XKR6: variants seen among roughly 807,000 people sequenced by gnomAD.
XKR6 encodes XK-related protein 6.
Under a neutral mutation model 56.7 loss-of-function variants are expected in XKR6, and 22 were observed. That is an observed-to-expected ratio of 0.39 (90% CI 0.28 to 0.55). The LOEUF is 0.55. Among genes scored for constraint, XKR6 ranks in the 20% least tolerant of loss-of-function variants. XKR6 has a pLI of 0.66. For synonymous variants in XKR6, 524 were observed against 387.8 expected, an observed-to-expected ratio of 1.35 and a Z score of -4.13; for missense variants, 852 against 889.0, an observed-to-expected ratio of 0.96 and a Z score of 0.53.
intron 1 of XKR6, among the ~76,000 whole-genome samples, chr8:10,963,617 C>G (rs757536476): frequency 1.9e-4 from 29 of 151,818 alleles, no homozygotes; most frequent in Admixed American, 1.9e-3. Flanking sequence ...TCATGGAGCA[C>G]TGCATCCTCG....
intron 1 of XKR6, among the ~76,000 whole-genome samples, chr8:11,014,438 G>A (rs911855299): frequency 2.0e-5 from 3 of 152,166 alleles, no homozygotes; most frequent in Non-Finnish European, 4.4e-5. Context: ...CCCCCTGCGG[G>A]CTCCCCAAGG....
chr8:11,151,685 C>G (rs528406670), intron 1 of XKR6, among the ~76,000 whole-genome samples: 12 of 151,674 alleles, frequency 7.9e-5, no homozygotes, highest in African/African-American at 2.7e-4. Flanking sequence ...ATTTGTCAGT[C>G]TTTGAACAAG....
chr8:11,149,750 T>C (rs1302116511), intron 1 of XKR6, among the ~76,000 whole-genome samples: 4 of 152,152 alleles, frequency 2.6e-5, no homozygotes, highest in Non-Finnish European at 5.9e-5. Context: ...TACTGGGCAT[T>C]TGTCCAAAGG....
intron 1 of XKR6, among the ~76,000 whole-genome samples, chr8:11,155,354 G>GTT (rs1215684912): frequency 1.3e-5 from 2 of 152,136 alleles, no homozygotes; most frequent in African/African-American, 2.4e-5. Flanking sequence ...GGAAAAATTT[G>GTT]TTTTTAAACC....
intron 1 of XKR6, among the ~76,000 whole-genome samples, chr8:11,048,270 A>C (rs1219945833): frequency 6.6e-6 from 1 of 152,068 alleles, no homozygotes; most frequent in Non-Finnish European, 1.5e-5. Flanking sequence ...TTGTTTCTCA[A>C]CATTCTTTGC....
intron 1 of XKR6, among the ~76,000 whole-genome samples, chr8:11,057,788 C>G (rs938039819): frequency 1.3e-5 from 2 of 152,184 alleles, no homozygotes; most frequent in Non-Finnish European, 2.9e-5. Context: ...GGGCCTTGGG[C>G]CTTTTTTTAA....
intron 1 of XKR6, among the ~76,000 whole-genome samples, chr8:11,101,963 T>C (rs1345148012): frequency 2.0e-5 from 3 of 152,106 alleles, no homozygotes; most frequent in Non-Finnish European, 4.4e-5. Flanking sequence ...CCATAAATAA[T>C]GTCACGGATG....
At chr8:11,148,853 C>T (rs1312188774) in intron 1 of XKR6, among the ~76,000 whole-genome samples, 1 of 152,148 alleles carries the variant, frequency 6.6e-6, no homozygotes, top group Non-Finnish European at 1.5e-5. Flanking sequence ...AAGGAAAGAA[C>T]TATTAATACC....
intron 1 of XKR6, among the ~76,000 whole-genome samples, chr8:10,950,951 A>G (rs1165119049): frequency 6.6e-6 from 1 of 152,218 alleles, no homozygotes; most frequent in African/African-American, 2.4e-5. Flanking sequence ...TACTTGCCCA[A>G]GGCCACACAG....
chr8:10,911,852 G>A (rs1800381384), intron 2 of XKR6, among the ~76,000 whole-genome samples: 1 of 150,514 alleles, frequency 6.6e-6, no homozygotes, highest in Non-Finnish European at 1.5e-5. Context: ...GGGAGGGTGT[G>A]TGTATACGTG....
intron 1 of XKR6, among the ~76,000 whole-genome samples, chr8:11,188,885 C>G (rs4841507): frequency 0.48 from 72,423 of 151,938 alleles, 19,583 homozygotes; most frequent in African/African-American, 0.73. Flanking sequence ...GATTTTCTCA[C>G]CATCCCCATG....
chr8:10,998,638 G>C (rs190196468), intron 1 of XKR6, among the ~76,000 whole-genome samples: 1 of 152,334 alleles, frequency 6.6e-6, no homozygotes, highest in Non-Finnish European at 1.5e-5. Flanking sequence ...TTGGCTGACA[G>C]CCTTGAGCCC....
intron 1 of XKR6, among the ~76,000 whole-genome samples, chr8:11,069,961 G>C (rs1430090686): frequency 6.6e-6 from 1 of 152,194 alleles, no homozygotes; most frequent in East Asian, 1.9e-4. Flanking sequence ...TAGAGGCCAG[G>C]CTGCCTCATG....
intron 1 of XKR6, among the ~76,000 whole-genome samples, chr8:11,096,519 G>A (rs947427228): frequency 2.6e-5 from 4 of 152,236 alleles, no homozygotes; most frequent in African/African-American, 9.6e-5. Flanking sequence ...AGGCATTGGT[G>A]TATCTGAACT....
At chr8:10,928,454 C>G (rs1162443738) in intron 1 of XKR6, among the ~76,000 whole-genome samples, 2 of 152,250 alleles carry the variant, frequency 1.3e-5, no homozygotes, top group Admixed American at 6.5e-5. Flanking sequence ...CCATGTCCCC[C>G]CTAAACCCCT....
intron 1 of XKR6, among the ~76,000 whole-genome samples, chr8:11,093,945 G>C (rs1353678066): frequency 6.6e-6 from 1 of 151,938 alleles, no homozygotes; most frequent in Non-Finnish European, 1.5e-5. Flanking sequence ...CACCACGCCA[G>C]ACTAATTTTT....
At chr8:11,006,812 G>A (rs1211828177) in intron 1 of XKR6, among the ~76,000 whole-genome samples, 2 of 152,222 alleles carry the variant, frequency 1.3e-5, no homozygotes, top group Non-Finnish European at 2.9e-5. Flanking sequence ...GGCTGCCGCT[G>A]CAGGTTACCC....
chr8:11,107,555 T>G (rs1248595581), intron 1 of XKR6, among the ~76,000 whole-genome samples: 2 of 152,076 alleles, frequency 1.3e-5, no homozygotes, highest in African/African-American at 4.8e-5. Context: ...GGAGAAGTGG[T>G]GAGGACAGAG....
At chr8:11,196,685 G>A (rs868630281) in intron 1 of XKR6, among the ~76,000 whole-genome samples, 9 of 152,186 alleles carry the variant, frequency 5.9e-5, no homozygotes, top group East Asian at 1.9e-4. Context: ...GTTCTCAAGC[G>A]TGGGGTTCCC....
Sources: allele counts gnomAD v4.1 joint callset (sites outside exome capture counted in the v4.1 genomes callset), GRCh38; gene constraint gnomAD v4.1.1; transcripts MANE v1.5; gene names NCBI Gene and HGNC (gene_info 2026-07-23, HGNC 2026-07-21).